CCSER2: variants seen among roughly 807,000 people sequenced by gnomAD.
CCSER2 encodes coiled-coil serine rich protein 2, also known as serine-rich coiled-coil domain-containing protein 2.
CCSER2 carries 46 observed loss-of-function variants against 92.3 expected under a neutral mutation model. The ratio of observed to expected loss-of-function variants is 0.50; its 90% CI spans 0.39 to 0.64. The LOEUF is 0.64. Ranked by LOEUF, CCSER2 falls within the 30% of genes least tolerant of loss-of-function variation. CCSER2 has a pLI of 0.00. For missense variants in CCSER2, 1,244 were observed against 1,238.9 expected, an observed-to-expected ratio of 1.00 and a Z score of -0.06; for synonymous variants, 433 against 431.4, an observed-to-expected ratio of 1.00 and a Z score of -0.04.
intron 3 of CCSER2, among the ~76,000 whole-genome samples, chr10:84,393,072 A>G (rs1841616870): frequency 1.3e-5 from 2 of 152,128 alleles, no homozygotes; most frequent in East Asian, 1.9e-4. Context: ...TAGCCCTGCT[A>G]CACTAAATTG....
At chr10:84,370,691 A>T (rs1369140627) in intron 1 of CCSER2, among the ~76,000 whole-genome samples, 1 of 152,090 alleles carries the variant, frequency 6.6e-6, no homozygotes, top group African/African-American at 2.4e-5. Flanking sequence ...AAATGAAAAA[A>T]TTATTTGGAT....
At chr10:84,501,114 C>T (rs1370031819) in intron 9 of CCSER2, among the ~76,000 whole-genome samples, 2 of 152,146 alleles carry the variant, frequency 1.3e-5, no homozygotes, top group Non-Finnish European at 2.9e-5. Flanking sequence ...TCCTCCTTTT[C>T]TATCTCCCAC....
chr10:84,485,532 A>G (rs532784177), intron 9 of CCSER2, among the ~76,000 whole-genome samples: 1 of 152,320 alleles, frequency 6.6e-6, no homozygotes, highest in East Asian at 1.9e-4. Context: ...GATCCATTCA[A>G]GTAGTTGTGT....
In CCSER2 at chr10:84,512,410, G is replaced by GAA. The variant is rs367809535; in HGVS notation, c.2326-1038_2326-1037insAA. 9.7e-3 allele frequency among the ~76,000 whole-genome samples: 1,440 copies of GAA among 149,128 alleles called. 21 individuals carry two copies. The highest frequency in any genetic ancestry group is 0.028 in the South Asian group (132 of 4,650). On this transcript the variant is annotated intron_variant, in intron 9 of 9. Coordinates refer to ENST00000372088, the MANE Select transcript of CCSER2 (RefSeq NM_001284240.2). The stretch of plus-strand genomic sequence containing the variant: ...TGTGTGTGTGTGAGAGAGAGAGAGA[G>GAA]AGAGAGGAGAGAGATAATGCATTTG...
At chr10:84,504,297 CT>C (rs78289189) in intron 9 of CCSER2, among the ~76,000 whole-genome samples, 4,823 of 137,072 alleles carry the variant, frequency 0.035, 99 homozygotes, top group African/African-American at 0.064. Context: ...CAAAGTAAAG[CT>C]TTTTTTTTTT....
rs1224452826 is a variant in CCSER2, at chr10:84,372,301, G to A, written c.1249G>A (p.Asp417Asn). The A allele has an allele frequency of 6.2e-7, 1 of 1,612,696 alleles. No homozygotes were observed. The highest frequency in any genetic ancestry group is 8.5e-7 in the Non-Finnish European group (1 of 1,179,086). Reference protein sequence around the residue: ...KNDLSEDFSDDFIDIEDSNRT... With the variant: ...KNDLSEDFSDNFIDIEDSNRT... ...TGATTTAAGTGAAGACTTTAGTGAT[G>A]ATTTTATAGATATAGAAGACTCCAA... The change falls in exon 2 of 10, where the codon GAT (aspartate) becomes AAT (asparagine). Residue 417 changes from aspartate to asparagine, a missense_variant. Coordinates refer to ENST00000372088, the MANE Select transcript of CCSER2 (RefSeq NM_001284240.2).
intron 4 of CCSER2, among the ~76,000 whole-genome samples, chr10:84,421,582 G>A (rs1035840507): frequency 2.6e-5 from 4 of 152,174 alleles, no homozygotes; most frequent in Non-Finnish European, 4.4e-5. Flanking sequence ...ACCTGGTCCT[G>A]CCCTTTACAC....
intron 8 of CCSER2, chr10:84,472,912 T>C (rs1474102847): frequency 1.3e-5 from 2 of 152,178 alleles, no homozygotes; most frequent in Non-Finnish European, 2.9e-5. Context: ...AAAAACATCC[T>C]GTACTTTGAT....
intron 9 of CCSER2, among the ~76,000 whole-genome samples, chr10:84,506,629 T>C (rs1849062762): frequency 6.6e-6 from 1 of 151,398 alleles, no homozygotes; most frequent in Non-Finnish European, 1.5e-5. Context: ...CCGTCTCTAC[T>C]AAAAATACAA....
At chr10:84,397,484 T>A (rs1213225412) in intron 3 of CCSER2, among the ~76,000 whole-genome samples, 1 of 152,306 alleles carries the variant, frequency 6.6e-6, no homozygotes, top group Admixed American at 6.5e-5. Flanking sequence ...TTCTGACTGC[T>A]AAAGGAATTG....
At chr10:84,438,117 C>T (rs900572702) in intron 5 of CCSER2, among the ~76,000 whole-genome samples, 19 of 151,934 alleles carry the variant, frequency 1.3e-4, no homozygotes, top group Admixed American at 6.6e-5. Context: ...TTGGTAGCAT[C>T]GTTATGGGGC....
At chr10:84,482,846 A>G (rs1365198037) in intron 9 of CCSER2, among the ~76,000 whole-genome samples, 1 of 152,216 alleles carries the variant, frequency 6.6e-6, no homozygotes, top group Non-Finnish European at 1.5e-5. Flanking sequence ...TTGTATCGGT[A>G]TCAGTGTGAA....
At chr10:84,370,873 T>C (rs1395378566) in intron 1 of CCSER2, 141 bp from the exon 2 acceptor site, 2 of 416,436 alleles carry the variant, frequency 4.8e-6, no homozygotes, top group Non-Finnish European at 8.4e-6. Flanking sequence ...GTGCATTCGG[T>C]ATTTGCCAGG....
chr10:84,448,534 TA>T (rs1410270270), intron 6 of CCSER2, among the ~76,000 whole-genome samples: 1 of 152,170 alleles, frequency 6.6e-6, no homozygotes, highest in Non-Finnish European at 1.5e-5. Context: ...AATGGCTTGT[TA>T]AGAAAGGAAT....
intron 9 of CCSER2, among the ~76,000 whole-genome samples, chr10:84,485,842 T>G (rs1180765388): frequency 6.6e-6 from 1 of 152,150 alleles, no homozygotes; most frequent in African/African-American, 2.4e-5. Context: ...GTGCTGCACC[T>G]ATTAACTCGT....
intron 1 of CCSER2, among the ~76,000 whole-genome samples, chr10:84,352,214 G>T (rs1844901618): frequency 6.6e-6 from 1 of 152,098 alleles, no homozygotes; most frequent in Admixed American, 6.5e-5. Flanking sequence ...TGAGGCAGGA[G>T]AATTGCTTGA....
chr10:84,512,901 T>C (rs1849436285), intron 9 of CCSER2, among the ~76,000 whole-genome samples: 1 of 152,278 alleles, frequency 6.6e-6, no homozygotes, highest in Non-Finnish European at 1.5e-5. Flanking sequence ...TCTCGACCTA[T>C]ATTTGTTAAA....
At chr10:84,445,518 A>G (rs1242798933) in intron 6 of CCSER2, among the ~76,000 whole-genome samples, 1 of 152,226 alleles carries the variant, frequency 6.6e-6, no homozygotes, top group Non-Finnish European at 1.5e-5. Flanking sequence ...ATACATACAG[A>G]AAAGGGTATA....
chr10:84,419,364 A>AAAAAATAAATAAAAAT (rs749756409), intron 4 of CCSER2, among the ~76,000 whole-genome samples: 3 of 149,912 alleles, frequency 2.0e-5, no homozygotes, highest in African/African-American at 7.3e-5. Context: ...TCAAAAAAAA[A>AAAAAATAAATAAAAAT]AAAATAAAAT....
Sources: gnomAD v4.1 joint callset for allele counts (sites outside exome capture counted in the v4.1 genomes callset) on GRCh38, gnomAD v4.1.1 for gene constraint, MANE v1.5 for transcripts, NCBI Gene and HGNC (gene_info 2026-07-23, HGNC 2026-07-21) for gene names.